The following CADM2 variants were observed in gnomAD, a reference collection of about 807,000 sequenced individuals.
CADM2 encodes cell adhesion molecule 2, also known as immunoglobulin superfamily member 4D.
Under a neutral mutation model 49.8 loss-of-function variants are expected in CADM2, and 12 were observed. The ratio of observed to expected loss-of-function variants is 0.24; its 90% CI spans 0.15 to 0.39. CADM2 has a LOEUF of 0.39. Among genes scored for constraint, CADM2 ranks in the 10% least tolerant of loss-of-function variants. CADM2 has a pLI of 1.00. For synonymous variants in CADM2, 214 were observed against 175.4 expected (o/e 1.22, Z -1.74); for missense variants, 378 against 492.3 (o/e 0.77, Z 2.20).
chr3:85,318,932 T>C (rs923632644), intron 1 of CADM2, among the ~76,000 whole-genome samples: 1 of 152,232 alleles, frequency 6.6e-6, no homozygotes, highest in African/African-American at 2.4e-5. Context: ...CTTATTAATG[T>C]GACAACGTTC....
chr3:86,020,323 G>T (rs1376573837), intron 8 of CADM2, among the ~76,000 whole-genome samples: 3 of 151,532 alleles, frequency 2.0e-5, no homozygotes, highest in Non-Finnish European at 4.4e-5. Flanking sequence ...AATAACAGGA[G>T]CTGAAATTGT....
chr3:85,504,974 G>A (rs960932013), intron 1 of CADM2, among the ~76,000 whole-genome samples: 3 of 152,116 alleles, frequency 2.0e-5, no homozygotes, highest in Non-Finnish European at 4.4e-5. Context: ...CTTCGCGTGC[G>A]GGGCCCGCCA....
chr3:85,006,002 C>T (rs1194050886), intron 1 of CADM2, among the ~76,000 whole-genome samples: 1 of 152,064 alleles, frequency 6.6e-6, no homozygotes, highest in African/African-American at 2.4e-5. Context: ...TCTCCTACTA[C>T]TATGTATAGA....
rs190004121 is a variant in CADM2, at chr3:85,243,316, C to T, written c.61+283648C>T. On this transcript the variant is annotated intron_variant, in intron 1 of 9. Coordinates refer to ENST00000383699, the MANE Select transcript of CADM2 (RefSeq NM_001167675.2). ...TCGTTCAATGAAAAACAGTAGGTATCGTATATCTTTTTACCCTGATGTATT... is the reference window on the plus strand; with the variant it reads ...TCGTTCAATGAAAAACAGTAGGTATTGTATATCTTTTTACCCTGATGTATT... Among the ~76,000 whole-genome samples, 95 of 151,862 alleles carry T rather than the reference C, an allele frequency of 6.3e-4. 1 individual carries two copies. The highest frequency in any genetic ancestry group is 3.5e-3 in the Middle Eastern group (1 of 288).
At chr3:85,375,504 G>C (rs2033542448) in intron 1 of CADM2, among the ~76,000 whole-genome samples, 1 of 152,082 alleles carries the variant, frequency 6.6e-6, no homozygotes, top group Non-Finnish European at 1.5e-5. Context: ...ATTTCACTTG[G>C]AAATTATTAC....
chr3:85,712,974 T>G (rs2107741644), intron 1 of CADM2, among the ~76,000 whole-genome samples: 1 of 152,346 alleles, frequency 6.6e-6, no homozygotes, highest in Non-Finnish European at 1.5e-5. Flanking sequence ...AGAAATGTCA[T>G]GTATACTGCC....
intron 1 of CADM2, among the ~76,000 whole-genome samples, chr3:85,221,678 C>T (rs1425633428): frequency 2.0e-5 from 3 of 151,946 alleles, no homozygotes; most frequent in African/African-American, 7.3e-5. Context: ...AAAAGTAAAG[C>T]TATGTAAAAG....
chr3:85,126,791 A>T (rs1462984282), intron 1 of CADM2, among the ~76,000 whole-genome samples: 2 of 152,100 alleles, frequency 1.3e-5, no homozygotes, highest in Non-Finnish European at 2.9e-5. Flanking sequence ...ATTTTTACTT[A>T]TTTCATTTAC....
At chr3:85,339,790 G>A (rs79766346) in intron 1 of CADM2, among the ~76,000 whole-genome samples, 10,736 of 151,210 alleles carry the variant, frequency 0.071, 721 homozygotes, top group African/African-American at 0.17. Flanking sequence ...AAGCAGAAAT[G>A]GTAAAGAAAA....
chr3:85,343,110 G>T (rs146144395), intron 1 of CADM2, among the ~76,000 whole-genome samples: 2 of 152,242 alleles, frequency 1.3e-5, no homozygotes, highest in Non-Finnish European at 2.9e-5. Context: ...AAATGGTAAT[G>T]CTACTGACAT....
intron 1 of CADM2, among the ~76,000 whole-genome samples, chr3:85,494,533 A>G (rs143420901): frequency 6.6e-6 from 1 of 152,302 alleles, no homozygotes; most frequent in African/African-American, 2.4e-5. Context: ...GCTTGTATAC[A>G]GCAATGTCTC....
At chr3:85,513,559 G>T (rs1194740176) in intron 1 of CADM2, among the ~76,000 whole-genome samples, 1 of 151,578 alleles carries the variant, frequency 6.6e-6, no homozygotes, top group African/African-American at 2.4e-5. Context: ...GTAAACCAAA[G>T]AAATAAAAAC....
intron 1 of CADM2, among the ~76,000 whole-genome samples, chr3:85,026,150 T>G (rs2107308336): frequency 6.6e-6 from 1 of 152,294 alleles, no homozygotes; most frequent in Admixed American, 6.5e-5. Flanking sequence ...GCAATTTACA[T>G]TATTCTTGAA....
At chr3:85,321,176 A>G (rs1241675683) in intron 1 of CADM2, among the ~76,000 whole-genome samples, 1 of 81,086 alleles carries the variant, frequency 1.2e-5, no homozygotes, top group Non-Finnish European at 2.3e-5. Flanking sequence ...TGCGAGAGAG[A>G]GAAAGAAAGA....
intron 8 of CADM2, among the ~76,000 whole-genome samples, chr3:86,060,981 C>CAATAATAATAATAATAAT (rs144216839): frequency 4.1e-5 from 6 of 147,990 alleles, no homozygotes; most frequent in South Asian, 4.3e-4. Flanking sequence ...GGCTATGTCT[C>CAATAATAATAATAATAAT]AATAATAATA....
intron 1 of CADM2, among the ~76,000 whole-genome samples, chr3:84,991,254 C>T (rs896634365): frequency 6.8e-6 from 1 of 147,390 alleles, no homozygotes; most frequent in Non-Finnish European, 1.5e-5. Context: ...CTGGAAAATT[C>T]ATTGGAATTT....
At chr3:84,960,053 A>C in intron 1 of CADM2, 1 of 316,034 alleles carries the variant, frequency 3.2e-6, no homozygotes, top group Non-Finnish European at 5.9e-6. Flanking sequence ...CTCTTGAGCG[A>C]CCCTCTCCAT....
At chr3:85,121,360 A>C (rs1339691928) in intron 1 of CADM2, among the ~76,000 whole-genome samples, 1 of 152,348 alleles carries the variant, frequency 6.6e-6, no homozygotes, top group Non-Finnish European at 1.5e-5. Flanking sequence ...ACAGGAAAGG[A>C]AAAACCTAAG....
chr3:85,051,173 T>C (rs1271131869), intron 1 of CADM2, among the ~76,000 whole-genome samples: 6 of 152,202 alleles, frequency 3.9e-5, no homozygotes, highest in Admixed American at 6.6e-5. Flanking sequence ...GGTATAAAGT[T>C]AACGTCATTA....
Sources: gnomAD v4.1 joint callset for allele counts (sites outside exome capture counted in the v4.1 genomes callset) on GRCh38, gnomAD v4.1.1 for gene constraint, MANE v1.5 for transcripts, NCBI Gene and HGNC (gene_info 2026-07-23, HGNC 2026-07-21) for gene names.